The following ASTN1 variants were observed in gnomAD, a reference collection of about 807,000 sequenced individuals.
ASTN1 encodes the protein astrotactin-1.
Under a neutral mutation model 140.7 loss-of-function variants are expected in ASTN1, and 41 were observed. The observed-to-expected ratio is 0.29, with a 90% CI of 0.23 to 0.38. ASTN1 has a LOEUF of 0.38. Among genes scored for constraint, ASTN1 ranks in the 10% least tolerant of loss-of-function variants. The pLI is 1.00. For missense variants in ASTN1, 1,479 were observed against 1,678.8 expected (o/e 0.88, Z 2.08); for synonymous variants, 640 against 652.2 (o/e 0.98, Z 0.29).
At position 176,876,656 on chromosome 1, in the gene ASTN1, G is replaced by A; in HGVS notation, c.3363-19C>T. The A allele has an allele frequency of 6.2e-7, 1 of 1,611,004 alleles. No homozygotes were observed. The highest frequency in any genetic ancestry group is 8.5e-7 in the Non-Finnish European group (1 of 1,177,604). ...CGTGAACCTGGCAGGGAGTGGGAGG[G>A]CATGGTTAGCAGAAACAGTGTGGCT... On this transcript the variant is annotated intron_variant, in intron 20 of 22. Coordinates refer to ENST00000361833, the MANE Select transcript of ASTN1 (RefSeq NM_004319.3).
chr1:177,002,933 C>A (rs1355562592), intron 8 of ASTN1, among the ~76,000 whole-genome samples: 2 of 151,378 alleles, frequency 1.3e-5, no homozygotes, highest in Non-Finnish European at 2.9e-5. Flanking sequence ...AATAGAAACC[C>A]TGAACAGACC....
chr1:176,894,108 C>T (rs1185557861), intron 17 of ASTN1, among the ~76,000 whole-genome samples: 1 of 152,180 alleles, frequency 6.6e-6, no homozygotes, highest in East Asian at 1.9e-4. Flanking sequence ...CTTCCCTTTG[C>T]AACCTGTGCC....
intron 1 of ASTN1, among the ~76,000 whole-genome samples, chr1:177,146,357 C>G (rs561359578): frequency 6.6e-6 from 1 of 152,140 alleles, no homozygotes; most frequent in East Asian, 1.9e-4. Context: ...TTTAATACAA[C>G]GCCAAAACTC....
intron 16 of ASTN1, among the ~76,000 whole-genome samples, chr1:176,914,800 A>G (rs2103065080): frequency 6.6e-6 from 1 of 152,332 alleles, no homozygotes; most frequent in South Asian, 2.1e-4. Context: ...GTGTACAGAG[A>G]ATGAGGGACA....
intron 1 of ASTN1, among the ~76,000 whole-genome samples, chr1:177,154,742 G>A (rs369750161): frequency 2.4e-4 from 37 of 152,106 alleles, no homozygotes; most frequent in African/African-American, 8.2e-4. Context: ...TGAAAACTGA[G>A]AGAAGGTATA....
At chr1:176,982,717 C>T (rs891249554) in intron 8 of ASTN1, among the ~76,000 whole-genome samples, 1 of 152,102 alleles carries the variant, frequency 6.6e-6, no homozygotes, top group East Asian at 1.9e-4. Context: ...GGGGCATGGC[C>T]ATGGGTATGT....
chr1:176,997,255 G>GT (rs2101906938), intron 8 of ASTN1, among the ~76,000 whole-genome samples: 1 of 152,264 alleles, frequency 6.6e-6, no homozygotes, highest in East Asian at 1.9e-4. Context: ...GTGATCCCTA[G>GT]TTCACAGGGG....
At chr1:177,097,515 T>C (rs1464787127) in intron 1 of ASTN1, among the ~76,000 whole-genome samples, 2 of 152,202 alleles carry the variant, frequency 1.3e-5, no homozygotes, top group African/African-American at 4.8e-5. Flanking sequence ...TACTACGATA[T>C]CATGATAAAA....
intron 12 of ASTN1, 77 bp from the exon 13 acceptor site, chr1:176,946,197 G>A (rs777296206): frequency 1.5e-6 from 2 of 1,316,992 alleles, no homozygotes; most frequent in Non-Finnish European, 1.0e-6. Context: ...CGTATATTGG[G>A]AGGAAATGCC....
At chr1:176,993,504 C>T (rs764852516) in intron 8 of ASTN1, among the ~76,000 whole-genome samples, 5 of 152,064 alleles carry the variant, frequency 3.3e-5, no homozygotes, top group Non-Finnish European at 5.9e-5. Context: ...TCCTTAATCC[C>T]TCAACTCCCT....
intron 20 of ASTN1, among the ~76,000 whole-genome samples, chr1:176,877,911 G>T (rs1030465606): frequency 6.6e-6 from 1 of 152,106 alleles, no homozygotes; most frequent in Admixed American, 6.5e-5. Flanking sequence ...AAGTAGAAAA[G>T]ATATAGATAA....
intron 7 of ASTN1, among the ~76,000 whole-genome samples, chr1:177,021,968 G>A (rs902041182): frequency 2.6e-5 from 4 of 152,180 alleles, no homozygotes; most frequent in African/African-American, 4.8e-5. Context: ...GCCTGACAGC[G>A]TGGGAGGAGC....
intron 1 of ASTN1, among the ~76,000 whole-genome samples, chr1:177,136,880 A>G (rs563422042): frequency 6.6e-6 from 1 of 152,308 alleles, no homozygotes; most frequent in South Asian, 2.1e-4. Context: ...TAAAGAAATT[A>G]AAAATAATTT....
At chr1:177,151,628 C>G (rs1194165469) in intron 1 of ASTN1, among the ~76,000 whole-genome samples, 2 of 152,116 alleles carry the variant, frequency 1.3e-5, no homozygotes, top group African/African-American at 4.8e-5. Flanking sequence ...TCACTCATCA[C>G]AGAATTGTTG....
At chr1:176,911,385 TAA>T (rs1010305225) in intron 16 of ASTN1, among the ~76,000 whole-genome samples, 4 of 152,234 alleles carry the variant, frequency 2.6e-5, no homozygotes, top group African/African-American at 9.6e-5. Flanking sequence ...TAGCTTACTA[TAA>T]GTTTTTTACT....
At chr1:176,945,069 A>G (rs1671894307) in intron 13 of ASTN1, among the ~76,000 whole-genome samples, 1 of 152,176 alleles carries the variant, frequency 6.6e-6, no homozygotes, top group Admixed American at 6.5e-5. Flanking sequence ...ATCATCTCCC[A>G]GAAAATATTT....
At chr1:176,956,034 G>A (rs543230471) in intron 11 of ASTN1, among the ~76,000 whole-genome samples, 1 of 152,292 alleles carries the variant, frequency 6.6e-6, no homozygotes, top group Non-Finnish European at 1.5e-5. Flanking sequence ...TGTCTCCTGA[G>A]GATCCCAGCT....
chr1:177,027,037 C>A (rs1676152155), intron 5 of ASTN1, among the ~76,000 whole-genome samples: 1 of 152,170 alleles, frequency 6.6e-6, no homozygotes, highest in South Asian at 2.1e-4. Context: ...AACCTGCACC[C>A]TAAGCTCTAT....
chr1:176,982,283 T>C (rs1673653728), intron 8 of ASTN1, among the ~76,000 whole-genome samples: 1 of 152,188 alleles, frequency 6.6e-6, no homozygotes, highest in African/African-American at 2.4e-5. Context: ...GCAACTGCAT[T>C]TATCCTGGGA....
Sources: allele counts gnomAD v4.1 joint callset (sites outside exome capture counted in the v4.1 genomes callset), GRCh38; gene constraint gnomAD v4.1.1; transcripts MANE v1.5; gene names NCBI Gene and HGNC (gene_info 2026-07-23, HGNC 2026-07-21).